GRIP1: variants seen among roughly 807,000 people sequenced by gnomAD.
GRIP1 encodes the protein glutamate receptor interacting protein 1.
GRIP1 carries 45 observed loss-of-function variants against 129.9 expected under a neutral mutation model. That is an observed-to-expected ratio of 0.35 (90% CI 0.27 to 0.44). The LOEUF (loss-of-function observed/expected upper bound fraction) is 0.44. GRIP1 is among the 20% of genes least tolerant of loss of function. The probability of loss-of-function intolerance (pLI) is 1.00; values close to 1 mark genes in which losing one functional copy is unlikely to be tolerated. For synonymous variants in GRIP1, 530 were observed against 520.8 expected, an observed-to-expected ratio of 1.02 and a Z score of -0.24; for missense variants, 1,196 against 1,396.8, an observed-to-expected ratio of 0.86 and a Z score of 2.29.
intron 1 of GRIP1, among the ~76,000 whole-genome samples, chr12:66,843,752 G>A (rs2039763532): frequency 6.6e-6 from 1 of 152,092 alleles, no homozygotes; most frequent in Non-Finnish European, 1.5e-5. Flanking sequence ...ATATCCACAT[G>A]TAAAGGAATG....
chr12:66,466,847 C>G (rs556592572), intron 7 of GRIP1, among the ~76,000 whole-genome samples: 15 of 152,130 alleles, frequency 9.9e-5, no homozygotes, highest in Non-Finnish European at 1.8e-4. Context: ...TTTTGCCTTT[C>G]TGCAAGAACA....
chr12:66,392,163 T>C, intron 19 of GRIP1, 145 bp downstream of exon 19: 1 of 654,248 alleles, frequency 1.5e-6, no homozygotes, highest in South Asian at 1.7e-5. Context: ...AGTGTAAGTA[T>C]TCAATGTGTT....
At chr12:66,360,198 T>C (rs2054686041) in intron 23 of GRIP1, among the ~76,000 whole-genome samples, 1 of 150,180 alleles carries the variant, frequency 6.7e-6, no homozygotes, top group South Asian at 2.1e-4. Context: ...TTTTTCGACA[T>C]GTAATCTCCT....
chr12:66,438,892 T>A (rs2058391960), intron 13 of GRIP1, among the ~76,000 whole-genome samples: 1 of 152,190 alleles, frequency 6.6e-6, no homozygotes, highest in African/African-American at 2.4e-5. Context: ...ACAAAGTCCC[T>A]GATTTCATAG....
intron 1 of GRIP1, among the ~76,000 whole-genome samples, chr12:66,901,626 T>G (rs1237902404): frequency 6.6e-6 from 1 of 152,226 alleles, no homozygotes; most frequent in Non-Finnish European, 1.5e-5. Flanking sequence ...AAAGCTGGGA[T>G]GTACAGTAGC....
intron 1 of GRIP1, among the ~76,000 whole-genome samples, chr12:66,817,643 C>T (rs929639436): frequency 6.6e-6 from 1 of 152,018 alleles, no homozygotes; most frequent in Non-Finnish European, 1.5e-5. Context: ...GAACTCCTGA[C>T]CTCGGGTGAT....
At chr12:66,540,836 C>T (rs2061754447) in intron 3 of GRIP1, among the ~76,000 whole-genome samples, 1 of 152,110 alleles carries the variant, frequency 6.6e-6, no homozygotes, top group South Asian at 2.1e-4. Context: ...CTGCTGTTGT[C>T]CAGGCTGGAG....
chr12:66,471,244 C>T (rs903888687), intron 7 of GRIP1, among the ~76,000 whole-genome samples: 6 of 152,150 alleles, frequency 3.9e-5, no homozygotes, highest in Non-Finnish European at 7.3e-5. Flanking sequence ...TACAAAGAAA[C>T]AACCAGGAAG....
chr12:67,007,094 G>A (rs1253614983), intron 1 of GRIP1, among the ~76,000 whole-genome samples: 7 of 152,158 alleles, frequency 4.6e-5, no homozygotes, highest in Non-Finnish European at 2.9e-5. Context: ...TGAAAAGTTG[G>A]TGCCAGTCTA....
intron 5 of GRIP1, among the ~76,000 whole-genome samples, 191 bp downstream of exon 5, chr12:66,529,640 G>C (rs1358042816): frequency 6.6e-6 from 1 of 152,156 alleles, no homozygotes; most frequent in African/African-American, 2.4e-5. Context: ...TCGGGGAAAG[G>C]GGGAGGGGGC....
chr12:66,681,169 G>A (rs941397420), upstream of GRIP1, among the ~76,000 whole-genome samples: 1 of 151,998 alleles, frequency 6.6e-6, no homozygotes, highest in Non-Finnish European at 1.5e-5. Flanking sequence ...AGTCTGCCCA[G>A]GTGCAGCCCC....
chr12:66,742,008 A>C (rs1467080066), intron 1 of GRIP1, among the ~76,000 whole-genome samples: 1 of 152,178 alleles, frequency 6.6e-6, no homozygotes, highest in Non-Finnish European at 1.5e-5. Context: ...AACAGCTCAC[A>C]ATACTAAAGT....
chr12:66,361,624 C>G (rs1284747018), intron 23 of GRIP1, among the ~76,000 whole-genome samples: 1 of 152,196 alleles, frequency 6.6e-6, no homozygotes, highest in Admixed American at 6.5e-5. Context: ...CATTGCTGGT[C>G]TTTTGCACTT....
In GRIP1 at chr12:66,401,605, TATATACAC is replaced by T. The variant is rs1280090422; in HGVS notation, c.1984+4670_1984+4677del. ...AAAAAAAAAAATATGTGTGTATATA[TATATACAC>T]ACACACACACACACACACACACACA... On this transcript the variant is annotated intron_variant, in intron 16 of 24. Coordinates refer to ENST00000359742, the MANE Select transcript of GRIP1 (RefSeq NM_001366722.1). Among the ~76,000 whole-genome samples, 332 of 124,484 alleles carry T rather than the reference TATATACAC, an allele frequency of 2.7e-3. 19 individuals carry two copies. Among genetic ancestry groups the T allele is most frequent in the African/African-American group, 0.011 (313 of 29,476 alleles). The allele number at this position is 124,484 out of a possible 152,430, so 81.7% of individuals were successfully genotyped here.
At chr12:66,821,286 GT>G (rs1403757123) in intron 1 of GRIP1, among the ~76,000 whole-genome samples, 2 of 152,082 alleles carry the variant, frequency 1.3e-5, no homozygotes, top group African/African-American at 4.8e-5. Flanking sequence ...ATTTAACATT[GT>G]TTTTTAGATT....
At position 66,375,381 on chromosome 12, in the gene GRIP1, C is replaced by A. The variant is rs374149793; in HGVS notation, c.2778+1636G>T. 2.6e-5 allele frequency among the ~76,000 whole-genome samples: 4 copies of A among 152,188 alleles called. No homozygotes were observed. In the East Asian group the frequency reaches 5.8e-4, roughly 22 times the overall value. ...TGTAATCATCTTTCATCTTAGCTAACCTTCTACATTTATTAGTATTATAGT... is the reference window on the plus strand; with the variant it reads ...TGTAATCATCTTTCATCTTAGCTAAACTTCTACATTTATTAGTATTATAGT... On this transcript the variant is annotated intron_variant, in intron 22 of 24. Coordinates refer to ENST00000359742, the MANE Select transcript of GRIP1 (RefSeq NM_001366722.1).
intron 2 of GRIP1, among the ~76,000 whole-genome samples, chr12:66,580,277 C>A (rs1187205757): frequency 5.9e-5 from 9 of 151,410 alleles, no homozygotes; most frequent in African/African-American, 2.2e-4. Context: ...TGGAAAGGAA[C>A]AACTGGTACC....
chr12:66,371,086 A>G (rs1386845967), intron 23 of GRIP1, among the ~76,000 whole-genome samples: 1 of 152,184 alleles, frequency 6.6e-6, no homozygotes, highest in Non-Finnish European at 1.5e-5. Flanking sequence ...GATTGGAATA[A>G]TAAACTAATT....
chr12:66,378,329 G>T (rs1489822481), intron 20 of GRIP1, among the ~76,000 whole-genome samples: 4 of 152,180 alleles, frequency 2.6e-5, no homozygotes, highest in Non-Finnish European at 5.9e-5. Context: ...GCAGGTGCCT[G>T]CAGTCCCAGC....
Sources: allele counts gnomAD v4.1 joint callset (sites outside exome capture counted in the v4.1 genomes callset), GRCh38; gene constraint gnomAD v4.1.1; transcripts MANE v1.5; gene names NCBI Gene and HGNC (gene_info 2026-07-23, HGNC 2026-07-21).